The following SMG5 variants were observed in gnomAD, a reference collection of about 807,000 sequenced individuals.
SMG5 encodes nonsense-mediated mRNA decay factor SMG5.
SMG5 carries 53 observed loss-of-function variants against 122.9 expected under a neutral mutation model. The ratio of observed to expected loss-of-function variants is 0.43; its 90% CI spans 0.35 to 0.54. SMG5 has a LOEUF of 0.54. Ranked by LOEUF, SMG5 falls within the 20% of genes least tolerant of loss-of-function variation. SMG5 has a pLI of 0.01. For synonymous variants in SMG5, 477 were observed against 490.2 expected (o/e 0.97, Z 0.35); for missense variants, 1,153 against 1,285.6 (o/e 0.90, Z 1.58).
intron 19 of SMG5, 31 bp from the exon 20 acceptor site, chr1:156,251,508 G>A (rs757888877): frequency 2.5e-6 from 4 of 1,611,566 alleles, no homozygotes; most frequent in South Asian, 2.2e-5. Context: ...TGGAGGTCAG[G>A]AGCAGGAGAC....
At chr1:156,261,442 T>C (rs768877521) in intron 13 of SMG5, 34 bp from the exon 14 acceptor site, 15 of 1,577,068 alleles carry the variant, frequency 9.5e-6, no homozygotes, top group Non-Finnish European at 1.3e-5. Context: ...GGCCTTCAGC[T>C]AGAGACAGTG....
intron 6 of SMG5, among the ~76,000 whole-genome samples, chr1:156,272,736 C>T (rs1197809446): frequency 6.6e-6 from 1 of 152,058 alleles, no homozygotes; most frequent in Non-Finnish European, 1.5e-5. Context: ...ACCACCATGC[C>T]CGGCTAATTT....
At chr1:156,258,318 AC>A (rs1385394159) in intron 16 of SMG5, among the ~76,000 whole-genome samples, 3 of 152,342 alleles carry the variant, frequency 2.0e-5, no homozygotes, top group Non-Finnish European at 4.4e-5. Context: ...GGCACCTCAC[AC>A]CCACTATCAT....
chr1:156,253,790 T>C, intron 16 of SMG5: 1 of 470,032 alleles, frequency 2.1e-6, no homozygotes, highest in Non-Finnish European at 3.9e-6. Flanking sequence ...GGACATCACC[T>C]GGCTGTGCCT....
chr1:156,252,775 C>T, intron 18 of SMG5, 144 bp downstream of exon 18: 1 of 894,450 alleles, frequency 1.1e-6, no homozygotes, highest in Non-Finnish European at 1.7e-6. Flanking sequence ...GTCCATTTCA[C>T]AGATGAAGTG....
At position 156,277,818 on chromosome 1, in the gene SMG5, T is replaced by C. The variant is rs72710206; in HGVS notation, c.297+107A>G. The C allele has an allele frequency of 2.0e-3, 2,992 of 1,464,220 alleles. 6 individuals are homozygous for C. The highest frequency in any genetic ancestry group is 2.3e-3 in the Non-Finnish European group (2,488 of 1,067,106). 90.7% of individuals were successfully genotyped at this position (1,464,220 alleles called of 1,614,324 possible). Reference sequence around the variant, plus strand: ...TGAGCCACCGTGCCCAGCCTCTTACTGCCATGTTTTCTTGGCTCCCCTACC... The same window carrying C: ...TGAGCCACCGTGCCCAGCCTCTTACCGCCATGTTTTCTTGGCTCCCCTACC... On this transcript the variant is annotated intron_variant, in intron 3 of 21. Coordinates refer to ENST00000361813, the MANE Select transcript of SMG5 (RefSeq NM_015327.3).
In SMG5 at chr1:156,250,913, G is replaced by C; in HGVS notation, c.2912C>G (p.Thr971Ser). The change falls in exon 21 of 22, where the codon ACC becomes AGC. Residue 971 changes from threonine (T) to serine (S), a missense_variant. Physicochemically the swap from Thr to Ser is moderately conservative, Grantham distance 58 (BLOSUM62 1). Coordinates refer to ENST00000361813, the MANE Select transcript of SMG5 (RefSeq NM_015327.3). ...AGEEDPSGMV[T>S]IITGLPLDNP... ...GTCCAGTGGAAGGCCTGTGATGATGGTCACCATGCCACTCGGATCCTCCTC... is the reference window on the plus strand; with the variant it reads ...GTCCAGTGGAAGGCCTGTGATGATGCTCACCATGCCACTCGGATCCTCCTC... 1.2e-6 allele frequency: 2 copies of C among 1,613,958 alleles called. No homozygotes were observed. The highest frequency in any genetic ancestry group is 1.7e-6 in the Non-Finnish European group (2 of 1,179,906).
rs767404270 is a variant in SMG5, at chr1:156,259,115, G to A, written c.2332C>T (p.Arg778Cys). The change falls in exon 16 of 22, where the codon CGC (arginine) becomes TGC (cysteine). Residue 778 changes from arginine (R) to cysteine (C), a missense_variant. This residue lies in a region of SMG5 where 140 missense variants were observed against 227.8 expected (regional missense o/e 0.61). Coordinates refer to ENST00000361813, the MANE Select transcript of SMG5 (RefSeq NM_015327.3). ...CIRSFGHFIA[R>C]LQGSILQFNP... ...AACTGCAGGATGCTGCCTTGCAGGCGGGCGATGAAATGACCAAAGCTGCGG... is the reference window on the plus strand; with the variant it reads ...AACTGCAGGATGCTGCCTTGCAGGCAGGCGATGAAATGACCAAAGCTGCGG... 89 of 1,608,070 alleles carry A rather than the reference G, an allele frequency of 5.5e-5. No individual in the cohort carries two copies. Among genetic ancestry groups the A allele is most frequent in the African/African-American group, 8.0e-5 (6 of 74,680 alleles).
rs1663028746 is a variant in SMG5 at position 156,282,794 on chromosome 1, G to A, written c.-114C>T. On this transcript the variant is annotated 5_prime_UTR_variant, in exon 1 of 22. Transcript: ENST00000361813. ...CCGCCGCCGCCACCGGCCCTGCTCG[G>A]CCGCCATCGCTGTGAGGCGGCTGCC... 2.5e-6 allele frequency: 3 copies of A among 1,183,628 alleles called. No homozygotes were observed. The highest frequency in any genetic ancestry group is 2.7e-5 in the East Asian group (1 of 36,560). 73.3% of individuals were successfully genotyped at this position (1,183,628 alleles called of 1,614,324 possible).
chr1:156,276,950 C>T (rs933657973), intron 4 of SMG5, 135 bp downstream of exon 4: 2 of 854,194 alleles, frequency 2.3e-6, no homozygotes, highest in Non-Finnish European at 3.6e-6. Context: ...ATCCAAACTT[C>T]ATAAACCATT....
chr1:156,263,407 G>A lies in SMG5; in HGVS notation c.2019C>T (p.Ile673=), dbSNP rs1246503213. 2.5e-6 allele frequency: 4 copies of A among 1,613,710 alleles called. No homozygotes were observed. The highest frequency in any genetic ancestry group is 1.7e-6 in the Non-Finnish European group (2 of 1,179,816). Residue 673 remains isoleucine (I), a synonymous_variant, in exon 13 of 22, where the codon ATC becomes ATT. Coordinates refer to ENST00000361813, the MANE Select transcript of SMG5 (RefSeq NM_015327.3). ...TGGACTGACACACCTGCGCACACAC[G>A]ATGATGAGGTCGGGGTTGGTCCGAA... ...DWLRTNPDLI[I]VCAQSSQSLW...
intron 4 of SMG5, among the ~76,000 whole-genome samples, chr1:156,275,915 A>T (rs1662661491): frequency 6.6e-6 from 1 of 150,640 alleles, no homozygotes; most frequent in Non-Finnish European, 1.5e-5. Flanking sequence ...CCTGGGCTTC[A>T]GCGATCCTCC....
chr1:156,272,442 AT>A (rs1455403014), intron 6 of SMG5, 44 bp from the exon 7 acceptor site: 1 of 1,524,232 alleles, frequency 6.6e-7, no homozygotes, highest in African/African-American at 1.4e-5. Flanking sequence ...CACAATACTC[AT>A]TCAAAGCTGC....
intron 7 of SMG5, among the ~76,000 whole-genome samples, chr1:156,269,442 C>T (rs1662301766): frequency 6.6e-6 from 1 of 152,166 alleles, no homozygotes; most frequent in African/African-American, 2.4e-5. Context: ...AACAAACACA[C>T]ACAGCCAGGT....
intron 19 of SMG5, 107 bp downstream of exon 19, chr1:156,252,307 C>T (rs527841843): frequency 3.0e-5 from 28 of 931,544 alleles, no homozygotes; most frequent in African/African-American, 6.6e-5. Context: ...TGAGTAGAGA[C>T]GGGTATGTAT....
Position 156,250,556 on chromosome 1 carries a change from T to C in SMG5, c.*31A>G. On this transcript the variant is annotated 3_prime_UTR_variant, in exon 22 of 22. Transcript: ENST00000361813. ...CAGGGAGGGCAGGAGAGATCTGGAG[T>C]CAGCCCCACTGCAGGGCCTGGGGGT... 6.3e-7 allele frequency: 1 copy of C among 1,591,032 alleles called. No individual in the cohort carries two copies. The highest frequency in any genetic ancestry group is 8.6e-7 in the Non-Finnish European group (1 of 1,159,202).
chr1:156,285,716 G>T, upstream of SMG5: 1 of 1,613,240 alleles, frequency 6.2e-7, no homozygotes, highest in South Asian at 1.1e-5. Context: ...GCCCCCCCGG[G>T]TCACCCACCC....
intron 7 of SMG5, among the ~76,000 whole-genome samples, chr1:156,270,670 A>G (rs1002119199): frequency 1.3e-5 from 2 of 152,224 alleles, no homozygotes; most frequent in Admixed American, 1.3e-4. Context: ...TGAGGGACTC[A>G]GGACAAGTAA....
chr1:156,290,375 T>C, the SMG5 span: 1 of 151,258 alleles, frequency 6.6e-6, no homozygotes, highest in Middle Eastern at 3.4e-3. Context: ...AAGAAAAAAA[T>C]AAAAGAAAAA....
Sources: gnomAD v4.1 joint callset for allele counts (sites outside exome capture counted in the v4.1 genomes callset) on GRCh38, gnomAD v4.1.1 for gene constraint, gnomAD v4.1.1 regional missense constraint, MANE v1.5 for transcripts, NCBI Gene and HGNC (gene_info 2026-07-23, HGNC 2026-07-21) for gene names.